The following ECPAS variants were observed in gnomAD, a reference collection of about 807,000 sequenced individuals.
The protein encoded by ECPAS is proteasome adapter and scaffold protein ECM29.
Under a neutral mutation model 255.1 loss-of-function variants are expected in ECPAS, and 70 were observed. The ratio of observed to expected loss-of-function variants is 0.27; its 90% CI spans 0.23 to 0.33. The LOEUF (loss-of-function observed/expected upper bound fraction) is 0.33, where lower values mean the gene tolerates loss of function less well. Ranked by LOEUF, ECPAS falls within the 10% of genes least tolerant of loss-of-function variation. The probability of loss-of-function intolerance (pLI) is 1.00; values close to 1 mark genes in which losing one functional copy is unlikely to be tolerated. For missense variants in ECPAS, 1,817 were observed against 2,206.4 expected (o/e 0.82, Z 3.54); for synonymous variants, 784 against 775.0 (o/e 1.01, Z -0.19).
In ECPAS at chr9:111,425,760, C is replaced by G; in HGVS notation, c.1119G>C (p.Val373=). ...AGACTTACGTTATACAAATATGATG[C>G]ACAAATTGCAGGGATAATGTTCTTA... The part of the protein sequence containing the change: ...SKLRTLSLQF[V]HHICITCPEI... The change falls in exon 11 of 50, where the codon GTG becomes GTC. Residue 373 remains valine, a synonymous_variant. Coordinates refer to ENST00000684092, the MANE Select transcript of ECPAS (RefSeq NM_001364929.1). 6.3e-7 allele frequency: 1 copy of G among 1,579,134 alleles called. No individual in the cohort carries two copies. Among genetic ancestry groups the G allele is most frequent in the Non-Finnish European group, 8.7e-7 (1 of 1,151,800 alleles).
intron 2 of ECPAS, among the ~76,000 whole-genome samples, chr9:111,467,488 G>A (rs1206923242): frequency 6.6e-6 from 1 of 152,112 alleles, no homozygotes; most frequent in Non-Finnish European, 1.5e-5. Context: ...ATTTCTGAGT[G>A]ACAGGTTTCA....
chr9:111,421,792 A>G lies in ECPAS; in HGVS notation c.1455+129T>C, dbSNP rs1291028221. On this transcript the variant is annotated intron_variant, in intron 15 of 49. Transcript: ENST00000684092. ...AAATTTTCATCATGAAGAATTAAAA[A>G]TAGATCCTAAATCACAGCCCAAGTG... The G allele has an allele frequency of 4.5e-6, 5 of 1,100,072 alleles. No homozygotes were observed. In the East Asian group the frequency reaches 1.3e-4, roughly 29 times the overall value. The allele number at this position is 1,100,072 out of a possible 1,614,324, so 68.1% of individuals were successfully genotyped here. A position where few individuals can be genotyped will look rare whatever the true frequency, so the allele number is the denominator to read the frequency against.
intron 34 of ECPAS, among the ~76,000 whole-genome samples, chr9:111,383,907 G>A (rs897637554): frequency 6.6e-6 from 1 of 151,982 alleles, no homozygotes; most frequent in Non-Finnish European, 1.5e-5. Context: ...GGGTGACAGA[G>A]TAAGACCTTG....
At chr9:111,468,947 G>A (rs1017225459) in intron 2 of ECPAS, among the ~76,000 whole-genome samples, 1 of 152,052 alleles carries the variant, frequency 6.6e-6, no homozygotes, top group Non-Finnish European at 1.5e-5. Context: ...GATCAATCCT[G>A]TGAATTATAA....
chr9:111,481,222 CGCG>C (rs1564574603), intron 1 of ECPAS, among the ~76,000 whole-genome samples: 4 of 152,134 alleles, frequency 2.6e-5, no homozygotes, highest in Admixed American at 6.5e-5. Context: ...GGGGGCCGGG[CGCG>C]GTGGCTCACG....
rs1460981204 is a variant in ECPAS, at chr9:111,386,461, T to C, written c.3448-5A>G. On this transcript the variant is annotated splice_polypyrimidine_tract_variant and splice_region_variant and intron_variant, in intron 31 of 49. Transcript: ENST00000684092. The stretch of plus-strand genomic sequence containing the variant: ...TTCTTTCAAATATTTATCCACCTAA[T>C]GAAAGCAAAAGGATAAAATTTAAAA... 1.6e-5 allele frequency: 25 copies of C among 1,524,354 alleles called. No homozygotes were observed. In the East Asian group the frequency reaches 5.4e-4, roughly 33 times the overall value. The allele number at this position is 1,524,354 out of a possible 1,614,324, so 94.4% of individuals were successfully genotyped here. A position where few individuals can be genotyped will look rare whatever the true frequency, so the allele number is the denominator to read the frequency against.
intron 3 of ECPAS, among the ~76,000 whole-genome samples, chr9:111,446,513 A>T (rs146775827): frequency 6.6e-6 from 1 of 152,340 alleles, no homozygotes; most frequent in African/African-American, 2.4e-5. Context: ...ACAGCAAAAA[A>T]TTCCAAGAGA....
intron 18 of ECPAS, among the ~76,000 whole-genome samples, chr9:111,415,228 CGTGTGTGT>C (rs541242640): frequency 2.4e-5 from 3 of 126,826 alleles, no homozygotes; most frequent in Admixed American, 7.8e-5. Context: ...TTTTAAAAGC[CGTGTGTGT>C]GTGTGTGTGT....
In ECPAS at chr9:111,422,042, T is replaced by C; in HGVS notation, c.1334A>G (p.Glu445Gly). 6.2e-7 allele frequency: 1 copy of C among 1,613,678 alleles called. No homozygotes were observed. The highest frequency in any genetic ancestry group is 8.5e-7 in the Non-Finnish European group (1 of 1,179,774). ...VQQLFEALCK[E>G]EPETRLAIQE... ...AATAGCAAGTCGAGTCTCAGGCTCTTCCTATAAAGATGATAAAAATGTTTC... is the reference window on the plus strand; with the variant it reads ...AATAGCAAGTCGAGTCTCAGGCTCTCCCTATAAAGATGATAAAAATGTTTC... Residue 445 changes from glutamate to glycine, a missense_variant and splice_region_variant, in exon 15 of 50, where the codon GAA becomes GGA. Transcript: ENST00000684092.
chr9:111,385,219 A>G lies in ECPAS; in HGVS notation c.3633+118T>C, dbSNP rs1294613522. Reference sequence around the variant, plus strand: ...CACATTAAGACTGAAACTTTGGGGGAAAACGTTGGTCTCTTAAAATTATCT... The same window carrying G: ...CACATTAAGACTGAAACTTTGGGGGGAAACGTTGGTCTCTTAAAATTATCT... On this transcript the variant is annotated intron_variant, in intron 33 of 49. Transcript: ENST00000684092. 290 of 610,100 alleles carry G rather than the reference A, an allele frequency of 4.8e-4. 2 individuals carry two copies. The highest frequency in any genetic ancestry group is 1.3e-4 in the Non-Finnish European group (46 of 351,566). 37.8% of individuals were successfully genotyped at this position (610,100 alleles called of 1,614,324 possible).
Position 111,378,876 on chromosome 9 carries a change from T to A in ECPAS, c.3804-146A>T, listed in dbSNP as rs1473390823. 2 of 699,108 alleles carry A rather than the reference T, an allele frequency of 2.9e-6. 1 individual carries two copies. Among genetic ancestry groups the A allele is most frequent in the Admixed American group, 7.3e-5 (2 of 27,290 alleles). 43.3% of individuals were successfully genotyped at this position (699,108 alleles called of 1,614,324 possible). On this transcript the variant is annotated intron_variant, in intron 35 of 49. Transcript: ENST00000684092. ...AGCCTGGTCTGGGCATTACTTTTTT[T>A]AACTTTTATTAAAGAAACCTTGAAG...
chr9:111,426,221 G>A (rs1426317811), intron 10 of ECPAS, among the ~76,000 whole-genome samples: 1 of 152,154 alleles, frequency 6.6e-6, no homozygotes, highest in Non-Finnish European at 1.5e-5. Flanking sequence ...GGGTAAAGGT[G>A]CTTCAAGTAT....
intron 19 of ECPAS, 84 bp from the exon 20 acceptor site, chr9:111,414,070 C>A: frequency 1.2e-6 from 1 of 844,638 alleles, no homozygotes. Context: ...AAGTATAAGG[C>A]CACTGCTTTA....
At chr9:111,417,030 T>A (rs1478329624) in intron 17 of ECPAS, among the ~76,000 whole-genome samples, 2 of 151,876 alleles carry the variant, frequency 1.3e-5, no homozygotes, top group Non-Finnish European at 2.9e-5. Context: ...CCCTTAAAAA[T>A]AAAAAGGAGA....
At chr9:111,482,899 C>T (rs1320041538) in intron 1 of ECPAS, among the ~76,000 whole-genome samples, 1 of 152,168 alleles carries the variant, frequency 6.6e-6, no homozygotes, top group African/African-American at 2.4e-5. Flanking sequence ...GGGAAGGCTG[C>T]ACCGCGTACG....
intron 16 of ECPAS, 76 bp downstream of exon 16, chr9:111,419,941 A>C (rs1367087412): frequency 9.1e-7 from 1 of 1,104,204 alleles, no homozygotes. Flanking sequence ...CAACATTGTA[A>C]ACAATACAAC....
At chr9:111,443,541 G>A (rs1199663693) in intron 4 of ECPAS, among the ~76,000 whole-genome samples, 2 of 152,324 alleles carry the variant, frequency 1.3e-5, no homozygotes, top group Non-Finnish European at 2.9e-5. Flanking sequence ...GAGCCGACGT[G>A]CCTGGCCTCT....
chr9:111,419,103 G>A (rs182364568), intron 16 of ECPAS, among the ~76,000 whole-genome samples: 8 of 152,244 alleles, frequency 5.3e-5, no homozygotes, highest in Middle Eastern at 3.4e-3. Context: ...TGGCCAACTA[G>A]AACACTGAAA....
chr9:111,462,290 C>T (rs1034477353), intron 2 of ECPAS, among the ~76,000 whole-genome samples: 3 of 152,038 alleles, frequency 2.0e-5, no homozygotes, highest in African/African-American at 7.2e-5. Flanking sequence ...TGGAAATAAC[C>T]GTCACTGAAA....
Sources: allele counts gnomAD v4.1 joint callset (sites outside exome capture counted in the v4.1 genomes callset), GRCh38; gene constraint gnomAD v4.1.1; transcripts MANE v1.5; gene names NCBI Gene and HGNC (gene_info 2026-07-23, HGNC 2026-07-21).